Variants in EAF2 observed in about 807,000 individuals in gnomAD.
The protein encoded by EAF2 is ELL-associated factor 2.
A neutral mutation model predicts 29.4 loss-of-function variants in EAF2; 29 were observed. The ratio of observed to expected loss-of-function variants is 0.99; its 90% confidence interval spans 0.73 to 1.35. The LOEUF (loss-of-function observed/expected upper bound fraction) is 1.35, where lower values mean the gene tolerates loss of function less well. Ranked by LOEUF, EAF2 falls within the 40% of genes most tolerant of loss-of-function variation. The probability of loss-of-function intolerance (pLI) is 0.00; values close to 1 mark genes in which losing one functional copy is unlikely to be tolerated. For missense variants in EAF2, 292 were observed against 312.0 expected, an observed-to-expected ratio of 0.94 and a Z score of 0.48; for synonymous variants, 103 against 102.5, an observed-to-expected ratio of 1.00 and a Z score of -0.03.
intron 2 of EAF2, among the ~76,000 whole-genome samples, chr3:121,844,805 A>G (rs946642281): frequency 5.9e-5 from 9 of 152,226 alleles, no homozygotes; most frequent in African/African-American, 1.9e-4. Flanking sequence ...AATTCCTACT[A>G]TAAGCCAGAT....
intron 2 of EAF2, 118 bp from the exon 3 acceptor site, chr3:121,854,569 T>C (rs1708685856): frequency 2.5e-6 from 2 of 806,854 alleles, no homozygotes; most frequent in Non-Finnish European, 3.6e-6. Context: ...ATTTAGGTAG[T>C]TTATGGGTGA....
chr3:121,849,940 GTATATA>G (rs751263492), intron 2 of EAF2, among the ~76,000 whole-genome samples: 1 of 125,164 alleles, frequency 8.0e-6, no homozygotes, highest in African/African-American at 2.9e-5. Flanking sequence ...ATATATGTAT[GTATATA>G]TATATATATC....
At chr3:121,854,535 C>A in intron 2 of EAF2, 152 bp from the exon 3 acceptor site, 1 of 533,348 alleles carries the variant, frequency 1.9e-6, no homozygotes, top group Non-Finnish European at 3.1e-6. Flanking sequence ...TTTTTTACTA[C>A]ACTCTTTGGA....
At chr3:121,885,017 A>G (rs1393970991) in intron 5 of EAF2, among the ~76,000 whole-genome samples, 1 of 152,172 alleles carries the variant, frequency 6.6e-6, no homozygotes, top group Non-Finnish European at 1.5e-5. Context: ...TTAGCTCCAG[A>G]CTTGTATATC....
intron 2 of EAF2, among the ~76,000 whole-genome samples, chr3:121,852,689 CTAA>C (rs1708653833): frequency 6.6e-6 from 1 of 152,142 alleles, no homozygotes; most frequent in African/African-American, 2.4e-5. Flanking sequence ...TAGTAAATCT[CTAA>C]TGATTAACTT....
chr3:121,847,636 G>A (rs1708551122), intron 2 of EAF2, among the ~76,000 whole-genome samples: 1 of 152,088 alleles, frequency 6.6e-6, no homozygotes, highest in South Asian at 2.1e-4. Flanking sequence ...AAATGAAAGA[G>A]TTGGGGAGAG....
Position 121,848,084 on chromosome 3 carries a change from G to T in EAF2, c.201+3537G>T, listed in dbSNP as rs548328255. Among the ~76,000 whole-genome samples, 4 of 152,198 alleles carry T rather than the reference G, an allele frequency of 2.6e-5. No homozygotes were observed. In the East Asian group the frequency reaches 5.8e-4, roughly 22 times the overall value. On this transcript the variant is annotated intron_variant, in intron 2 of 5. Coordinates refer to ENST00000273668, the MANE Select transcript of EAF2 (RefSeq NM_018456.6). ...TGCAACATCTAAGCTTTATGAATAG[G>T]GTGACAACTTATGATAAAAACTAGA... is the stretch of plus-strand genomic sequence containing the variant.
rs188418651 is a variant in EAF2, at chr3:121,859,054, G to C, written c.484+1898G>C. 3.3e-3 allele frequency among the ~76,000 whole-genome samples: 498 copies of C among 152,276 alleles called. 3 individuals are homozygous for C. Among genetic ancestry groups the C allele is most frequent in the South Asian group, 0.016 (75 of 4,818 alleles). On this transcript the variant is annotated intron_variant, in intron 4 of 5. Coordinates refer to ENST00000273668, the MANE Select transcript of EAF2 (RefSeq NM_018456.6). ...ATATGTGTTTTGGTACCAGTACTATGGTGTTTTGATTACTGTAGCCTTGCA... is the reference window on the plus strand; with the variant it reads ...ATATGTGTTTTGGTACCAGTACTATCGTGTTTTGATTACTGTAGCCTTGCA...
At chr3:121,877,272 C>T (rs1709116446) in intron 5 of EAF2, among the ~76,000 whole-genome samples, 1 of 151,412 alleles carries the variant, frequency 6.6e-6, no homozygotes, top group South Asian at 2.1e-4. Flanking sequence ...GTTGACAAGT[C>T]TATTTTAGTG....
Position 121,844,525 on chromosome 3 carries a change from C to A in EAF2, c.179C>A (p.Thr60Asn). 6.2e-7 allele frequency: 1 copy of A among 1,607,894 alleles called. No homozygotes were observed. Among genetic ancestry groups the A allele is most frequent in the Non-Finnish European group, 8.5e-7 (1 of 1,176,168 alleles). Reference sequence around the variant, plus strand: ...GAGGTTGGTGAAGGTGAACAGGTGACCATAACTCTGCCAAATATAGAAGTG... The same window carrying A: ...GAGGTTGGTGAAGGTGAACAGGTGAACATAACTCTGCCAAATATAGAAGTG... ...YLEVGEGEQV[T>N]ITLPNIEGST... The change falls in exon 2 of 6, where the codon ACC becomes AAC. Residue 60 changes from threonine to asparagine, a missense_variant. Physicochemically the swap from Thr to Asn is moderately conservative, Grantham distance 65. Coordinates refer to ENST00000273668, the MANE Select transcript of EAF2 (RefSeq NM_018456.6).
At position 121,857,856 on chromosome 3, in the gene EAF2, T is replaced by G. The variant is rs185663168; in HGVS notation, c.484+700T>G. On this transcript the variant is annotated intron_variant, in intron 4 of 5. Coordinates refer to ENST00000273668, the MANE Select transcript of EAF2 (RefSeq NM_018456.6). ...CCCCATGACAGGCCCCGGTGTGTGA[T>G]GGACACCCTGTGTCCAAGTGTTCTC... Among the ~76,000 whole-genome samples, 521 of 152,252 alleles carry G rather than the reference T, an allele frequency of 3.4e-3. 3 individuals are homozygous for G. Among genetic ancestry groups the G allele is most frequent in the African/African-American group, 0.011 (441 of 41,538 alleles).
intron 5 of EAF2, among the ~76,000 whole-genome samples, chr3:121,879,331 A>C (rs1342811300): frequency 6.6e-6 from 1 of 151,962 alleles, no homozygotes; most frequent in Admixed American, 6.6e-5. Flanking sequence ...CCCCTTCTGT[A>C]GATTGTCTCT....
At chr3:121,853,235 T>C (rs754456753) in intron 2 of EAF2, among the ~76,000 whole-genome samples, 1 of 152,204 alleles carries the variant, frequency 6.6e-6, no homozygotes, top group Non-Finnish European at 1.5e-5. Flanking sequence ...ACAAATAACA[T>C]AATTGATAAT....
At chr3:121,872,422 A>G in intron 4 of EAF2, 115 bp from the exon 5 acceptor site, 1 of 794,372 alleles carries the variant, frequency 1.3e-6, no homozygotes, top group Non-Finnish European at 1.9e-6. Context: ...AGTACTGTAA[A>G]TGTATGTTTG....
At chr3:121,866,783 C>T (rs952569009) in intron 4 of EAF2, among the ~76,000 whole-genome samples, 3 of 151,764 alleles carry the variant, frequency 2.0e-5, no homozygotes, top group South Asian at 2.1e-4. Context: ...CCTGTCGTAC[C>T]GTAATTTGTG....
intron 4 of EAF2, among the ~76,000 whole-genome samples, chr3:121,859,233 G>A (rs1708780228): frequency 6.6e-6 from 1 of 152,116 alleles, no homozygotes; most frequent in Admixed American, 6.5e-5. Flanking sequence ...TGATGGAGAT[G>A]GCATTGAATC....
intron 1 of EAF2, among the ~76,000 whole-genome samples, chr3:121,843,578 G>T (rs972751949): frequency 6.6e-6 from 1 of 152,078 alleles, no homozygotes; most frequent in African/African-American, 2.4e-5. Context: ...AGGAGCTAAT[G>T]TATATATAAC....
intron 2 of EAF2, among the ~76,000 whole-genome samples, chr3:121,846,980 T>C (rs1708540387): frequency 6.6e-6 from 1 of 152,132 alleles, no homozygotes; most frequent in Non-Finnish European, 1.5e-5. Flanking sequence ...ATTTCAGAAA[T>C]TGTAAAGAAA....
rs543662415 is a variant in EAF2, at chr3:121,844,332, T to C, written c.107-121T>C. On this transcript the variant is annotated intron_variant, in intron 1 of 5. Transcript: ENST00000273668. ...GTTTGTTCATTTGTAATATGAATACTTTAAACCATTTTAATTACAAAGCTC... is the reference window on the plus strand; with the variant it reads ...GTTTGTTCATTTGTAATATGAATACCTTAAACCATTTTAATTACAAAGCTC... The C allele has an allele frequency of 9.8e-5, 61 of 624,942 alleles. 1 individual carries two copies. In the South Asian group the frequency reaches 1.1e-3, roughly 11 times the overall value. 38.7% of individuals were successfully genotyped at this position (624,942 alleles called of 1,614,324 possible). A position where few individuals can be genotyped will look rare whatever the true frequency, so the allele number is the denominator to read the frequency against.
Sources: gnomAD v4.1 joint callset for allele counts (sites outside exome capture counted in the v4.1 genomes callset) on GRCh38, gnomAD v4.1.1 for gene constraint, MANE v1.5 for transcripts, NCBI Gene and HGNC (gene_info 2026-07-23, HGNC 2026-07-21) for gene names.